Variants in FRMD6 observed in about 807,000 individuals in gnomAD.
The protein encoded by FRMD6 is FERM domain-containing protein 6.
FRMD6 carries 37 observed loss-of-function variants against 73.2 expected under a neutral mutation model. The ratio of observed to expected loss-of-function variants is 0.51; its 90% CI spans 0.39 to 0.66. The LOEUF (loss-of-function observed/expected upper bound fraction) is 0.66, where lower values mean the gene tolerates loss of function less well. Ranked by LOEUF, FRMD6 falls within the 30% of genes least tolerant of loss-of-function variation. The pLI is 0.00. For synonymous variants in FRMD6, 273 were observed against 282.2 expected (o/e 0.97, Z 0.33); for missense variants, 714 against 780.5 (o/e 0.91, Z 1.02).
chr14:51,699,441 C>T (rs1349285014), intron 3 of FRMD6, among the ~76,000 whole-genome samples: 1 of 151,976 alleles, frequency 6.6e-6, no homozygotes, highest in Non-Finnish European at 1.5e-5. Flanking sequence ...CCTTATTGTT[C>T]AACAAATAAG....
chr14:51,440,628 T>G, the FRMD6 span, among the ~76,000 whole-genome samples: 1 of 152,220 alleles, frequency 6.6e-6, no homozygotes, highest in Middle Eastern at 3.4e-3. Context: ...GAAGGCAGAA[T>G]AGTGTCAAGG....
chr14:51,467,324 T>C, the FRMD6 span, among the ~76,000 whole-genome samples: 33 of 152,224 alleles, frequency 2.2e-4, no homozygotes, highest in Non-Finnish European at 3.8e-4. Context: ...CAGAAGAATT[T>C]TTCTTATTAC....
intron 1 of FRMD6, among the ~76,000 whole-genome samples, chr14:51,518,062 G>T (rs1234291303): frequency 6.6e-6 from 1 of 152,202 alleles, no homozygotes; most frequent in Non-Finnish European, 1.5e-5. Context: ...GCATATTCCA[G>T]TTAACTTATT....
chr14:51,411,897 C>T, the FRMD6 span, among the ~76,000 whole-genome samples: 1 of 152,176 alleles, frequency 6.6e-6, no homozygotes, highest in Non-Finnish European at 1.5e-5. Context: ...CATTTTTACA[C>T]ATGCTAAAAG....
At chr14:51,574,285 C>G (rs920753624) in intron 2 of FRMD6, among the ~76,000 whole-genome samples, 1 of 152,216 alleles carries the variant, frequency 6.6e-6, no homozygotes, top group Non-Finnish European at 1.5e-5. Context: ...CTGGAATTTA[C>G]TGGACCATGG....
the FRMD6 span, among the ~76,000 whole-genome samples, chr14:51,470,072 CAT>C: frequency 1.3e-5 from 2 of 152,184 alleles, no homozygotes; most frequent in South Asian, 2.1e-4. Flanking sequence ...TTGTTTATAA[CAT>C]AAAGTTTTTC....
At chr14:51,642,342 C>A (rs1052222064) in intron 2 of FRMD6, among the ~76,000 whole-genome samples, 29 of 152,234 alleles carry the variant, frequency 1.9e-4, no homozygotes, top group African/African-American at 6.5e-4. Context: ...GAGTTTGAGA[C>A]CAGCCTGGCC....
intron 1 of FRMD6, among the ~76,000 whole-genome samples, chr14:51,512,018 G>T (rs1884340782): frequency 6.6e-6 from 1 of 152,250 alleles, no homozygotes; most frequent in African/African-American, 2.4e-5. Flanking sequence ...CATGATGTAT[G>T]TATGCATAGG....
At chr14:51,486,885 A>C (rs1882772107), upstream of FRMD6, among the ~76,000 whole-genome samples, 2 of 152,202 alleles carry the variant, frequency 1.3e-5, no homozygotes, top group Admixed American at 1.3e-4. Flanking sequence ...TCCTAGATAC[A>C]ATATTCAGTG....
At chr14:51,512,496 T>C (rs1182194683) in intron 1 of FRMD6, among the ~76,000 whole-genome samples, 2 of 152,224 alleles carry the variant, frequency 1.3e-5, no homozygotes, top group Non-Finnish European at 2.9e-5. Flanking sequence ...GGACAACGTC[T>C]TGTCATCCAT....
chr14:51,667,253 A>T (rs985039655), intron 1 of FRMD6, among the ~76,000 whole-genome samples: 21 of 152,230 alleles, frequency 1.4e-4, no homozygotes, highest in African/African-American at 7.2e-5. Flanking sequence ...GGCTTTCAGA[A>T]ATAGGATATA....
intron 2 of FRMD6, among the ~76,000 whole-genome samples, chr14:51,616,856 C>T (rs1443611678): frequency 6.6e-6 from 1 of 152,178 alleles, no homozygotes; most frequent in African/African-American, 2.4e-5. Flanking sequence ...CCAGATATTC[C>T]ACCACCTATG....
upstream of FRMD6, chr14:51,651,859 G>A (rs1382798271): frequency 1.4e-5 from 2 of 145,890 alleles, no homozygotes; most frequent in Admixed American, 1.3e-4. Context: ...CGTGGGTGGG[G>A]GGCGGGGCGG....
chr14:51,423,315 C>T, the FRMD6 span, among the ~76,000 whole-genome samples: 1 of 152,200 alleles, frequency 6.6e-6, no homozygotes, highest in Non-Finnish European at 1.5e-5. Flanking sequence ...TACATGGGGG[C>T]ACCCGTCTGT....
chr14:51,720,083 C>T lies in FRMD6; in HGVS notation c.1053C>T (p.Ile351=), dbSNP rs1897452615. ...EEKKQYRESY[I]SDNLDLDMDQ... is the part of the protein sequence containing the mutation. ...AGAAGCAGTACCGGGAATCTTACAT[C>T]AGTGACAACCTGGACCTCGACATGG... The change falls in exon 11 of 14, where the codon ATC becomes ATT. Residue 351 remains isoleucine (I), a synonymous_variant. Coordinates refer to ENST00000344768, the MANE Select transcript of FRMD6 (RefSeq NM_001267046.2). 6.2e-7 allele frequency: 1 copy of T among 1,613,196 alleles called. No individual in the cohort carries two copies. The highest frequency in any genetic ancestry group is 2.2e-5 in the East Asian group (1 of 44,878).
At chr14:51,519,384 G>C (rs57419118) in intron 1 of FRMD6, among the ~76,000 whole-genome samples, 2 of 151,884 alleles carry the variant, frequency 1.3e-5, no homozygotes, top group South Asian at 2.1e-4. Context: ...TTCTAACCTC[G>C]GGTGACCCAC....
At chr14:51,610,339 A>T (rs941699) in intron 2 of FRMD6, among the ~76,000 whole-genome samples, 36,838 of 82,192 alleles carry the variant, frequency 0.45, 5,024 homozygotes, top group East Asian at 0.62. Context: ...CTTTTTTTTT[A>T]AAAAAAAAAA....
the FRMD6 span, among the ~76,000 whole-genome samples, chr14:51,413,324 G>A: frequency 2.0e-5 from 3 of 152,100 alleles, no homozygotes; most frequent in African/African-American, 7.2e-5. Flanking sequence ...CCAAACCCAC[G>A]GCAGGCCCAA....
At chr14:51,433,064 A>G in the FRMD6 span, among the ~76,000 whole-genome samples, 439 of 152,358 alleles carry the variant, frequency 2.9e-3, 4 homozygotes, top group African/African-American at 0.01. Flanking sequence ...AAATTTTACA[A>G]CACATTCTGT....
Sources: allele counts gnomAD v4.1 joint callset (sites outside exome capture counted in the v4.1 genomes callset), GRCh38; gene constraint gnomAD v4.1.1; transcripts MANE v1.5; gene names NCBI Gene and HGNC (gene_info 2026-07-23, HGNC 2026-07-21).